Variants in COL24A1 observed in about 807,000 individuals in gnomAD.
COL24A1 encodes collagen type XXIV alpha 1 chain.
COL24A1 carries 224 observed loss-of-function variants against 253.9 expected under a neutral mutation model. That is an observed-to-expected ratio of 0.88 (90% CI 0.79 to 0.99). COL24A1 has a LOEUF of 0.99. Among genes scored for constraint, COL24A1 ranks in the 50% least tolerant of loss-of-function variants. The pLI is 0.00. For synonymous variants in COL24A1, 685 were observed against 673.7 expected (o/e 1.02, Z -0.26); for missense variants, 2,131 against 2,068.5 (o/e 1.03, Z -0.59).
intron 28 of COL24A1, among the ~76,000 whole-genome samples, chr1:85,899,719 C>T (rs989481710): frequency 9.8e-5 from 15 of 152,294 alleles, no homozygotes; most frequent in Admixed American, 7.2e-4. Flanking sequence ...GATTAAGTGG[C>T]TGCCTAGATA....
intron 14 of COL24A1, among the ~76,000 whole-genome samples, chr1:86,025,184 A>G (rs935251026): frequency 6.6e-6 from 1 of 152,174 alleles, no homozygotes; most frequent in Non-Finnish European, 1.5e-5. Flanking sequence ...TACCAAGGTA[A>G]CCTGAAAGTC....
intron 32 of COL24A1, among the ~76,000 whole-genome samples, chr1:85,879,596 C>T (rs1175892110): frequency 6.6e-6 from 1 of 152,176 alleles, no homozygotes; most frequent in Non-Finnish European, 1.5e-5. Context: ...TTATAGCCTA[C>T]TGTTGACTGG....
intron 59 of COL24A1, among the ~76,000 whole-genome samples, chr1:85,733,863 C>T (rs145625932): frequency 0.056 from 8,303 of 148,660 alleles, 331 homozygotes; most frequent in Non-Finnish European, 0.079. Context: ...TACAGATGTG[C>T]CCCCACAGTG....
At chr1:85,945,520 A>T (rs183614579) in intron 24 of COL24A1, among the ~76,000 whole-genome samples, 19 of 150,942 alleles carry the variant, frequency 1.3e-4, no homozygotes, top group African/African-American at 4.6e-4. Flanking sequence ...GAAAGCAAGC[A>T]TATATTCTCA....
chr1:85,980,058 T>G (rs1693094021), intron 20 of COL24A1, among the ~76,000 whole-genome samples: 1 of 152,098 alleles, frequency 6.6e-6, no homozygotes, highest in Non-Finnish European at 1.5e-5. Flanking sequence ...ATGTGATACA[T>G]CACATAAACA....
intron 24 of COL24A1, among the ~76,000 whole-genome samples, chr1:85,926,300 T>A (rs1180100747): frequency 5.3e-5 from 8 of 152,210 alleles, no homozygotes; most frequent in Non-Finnish European, 1.0e-4. Flanking sequence ...AGAAATACCA[T>A]TTGACCCAGC....
In COL24A1 at chr1:85,737,479, C is replaced by A. The variant is rs747191081; in HGVS notation, c.4699G>T (p.Gly1567Cys). 3.1e-5 allele frequency: 50 copies of A among 1,611,828 alleles called. No individual in the cohort carries two copies. The Admixed American group carries it at 6.0e-4, about 19-fold the overall frequency. ...DGKYWIDPNL[G>C]CPSDAIEVFC... ...ACCTCAATGGCATCTGAAGGACAGC[C>A]AAGATTTGGGTCAATCCAGTATTTT... The change falls in exon 58 of 60, where the codon GGC becomes TGC. Residue 1567 changes from glycine to cysteine, a missense_variant. Coordinates refer to ENST00000370571, the MANE Select transcript of COL24A1 (RefSeq NM_152890.7).
At chr1:85,827,307 G>A (rs1025566664) in intron 43 of COL24A1, among the ~76,000 whole-genome samples, 1 of 151,468 alleles carries the variant, frequency 6.6e-6, no homozygotes, top group Non-Finnish European at 1.5e-5. Flanking sequence ...GCTTTTTGAT[G>A]TGCTGCTGGA....
intron 28 of COL24A1, among the ~76,000 whole-genome samples, chr1:85,900,217 A>G (rs1684141477): frequency 6.6e-6 from 1 of 152,190 alleles, no homozygotes; most frequent in African/African-American, 2.4e-5. Context: ...TCAAAATACC[A>G]ATGTCATTTT....
intron 35 of COL24A1, among the ~76,000 whole-genome samples, chr1:85,872,260 C>T (rs916819333): frequency 6.6e-6 from 1 of 152,106 alleles, no homozygotes; most frequent in African/African-American, 2.4e-5. Context: ...GTCAAAATGG[C>T]CATATTGCCC....
chr1:85,896,134 C>A, intron 29 of COL24A1, 69 bp from the exon 30 acceptor site: 1 of 1,456,202 alleles, frequency 6.9e-7, no homozygotes, highest in Non-Finnish European at 9.5e-7. Context: ...CTAGCATATG[C>A]TAGCATACAC....
chr1:86,133,799 G>A (rs1054475637), intron 2 of COL24A1, among the ~76,000 whole-genome samples: 2 of 99,148 alleles, frequency 2.0e-5, no homozygotes, highest in African/African-American at 3.5e-5. Flanking sequence ...AGGGATATTG[G>A]TCTAAAATTC....
intron 24 of COL24A1, among the ~76,000 whole-genome samples, chr1:85,912,586 T>A (rs913255490): frequency 1.3e-5 from 2 of 152,166 alleles, no homozygotes; most frequent in Admixed American, 6.5e-5. Context: ...CCCTTACAGA[T>A]CTCTATCTAT....
chr1:85,906,889 A>G (rs1219214441), intron 28 of COL24A1, among the ~76,000 whole-genome samples: 1 of 151,852 alleles, frequency 6.6e-6, no homozygotes, highest in East Asian at 1.9e-4. Flanking sequence ...TCATTTAAAG[A>G]TCTTCACATT....
At chr1:85,988,599 A>G (rs567219724) in intron 19 of COL24A1, among the ~76,000 whole-genome samples, 2 of 152,218 alleles carry the variant, frequency 1.3e-5, no homozygotes, top group South Asian at 4.2e-4. Context: ...GAAAAAAGTA[A>G]AAGAAGTATA....
chr1:86,067,632 C>T (rs1557477263), intron 7 of COL24A1, among the ~76,000 whole-genome samples: 1 of 152,108 alleles, frequency 6.6e-6, no homozygotes, highest in Non-Finnish European at 1.5e-5. Context: ...AGAATAAAGA[C>T]TTCCTTTTTG....
intron 28 of COL24A1, among the ~76,000 whole-genome samples, chr1:85,903,461 G>A (rs190362356): frequency 1.3e-5 from 2 of 152,278 alleles, no homozygotes; most frequent in Admixed American, 6.5e-5. Context: ...ACGACAGGCT[G>A]TAAGAAAGTC....
At chr1:85,865,066 G>C (rs964082430) in intron 37 of COL24A1, among the ~76,000 whole-genome samples, 2 of 151,432 alleles carry the variant, frequency 1.3e-5, no homozygotes, top group East Asian at 3.9e-4. Flanking sequence ...TCCTGGATTT[G>C]GAATTCATTA....
chr1:85,730,391 C>T lies in COL24A1; in HGVS notation c.*155G>A. The T allele has an allele frequency of 1.5e-6, 1 of 679,300 alleles. No homozygotes were observed. 42.1% of individuals were successfully genotyped at this position (679,300 alleles called of 1,614,324 possible). A position where few individuals can be genotyped will look rare whatever the true frequency, so the allele number is the denominator to read the frequency against. ...TAGTCCTTTAAAAATGCCTTTTCTC[C>T]TTCTTAGGAGGAAGTCTGTTCTTCC... On this transcript the variant is annotated 3_prime_UTR_variant, in exon 60 of 60. Transcript: ENST00000370571.
Sources: gnomAD v4.1 joint callset for allele counts (sites outside exome capture counted in the v4.1 genomes callset) on GRCh38, gnomAD v4.1.1 for gene constraint, MANE v1.5 for transcripts, NCBI Gene and HGNC (gene_info 2026-07-23, HGNC 2026-07-21) for gene names.